HMGB1: variants seen among roughly 807,000 people sequenced by gnomAD.
HMGB1 encodes high mobility group box 1.
For missense variants in HMGB1, 79 were observed against 253.5 expected (o/e 0.31, Z 4.67); for synonymous variants, 81 against 84.0 (o/e 0.96, Z 0.19).
chr13:30,563,891 T>C (rs1286686669), intron 1 of HMGB1, among the ~76,000 whole-genome samples: 1 of 152,200 alleles, frequency 6.6e-6, no homozygotes. Flanking sequence ...GTTTAAGCTT[T>C]ATTAGCTGGG....
chr13:30,499,483 G>A (rs949358037), intron 1 of HMGB1, among the ~76,000 whole-genome samples: 1 of 151,984 alleles, frequency 6.6e-6, no homozygotes, highest in African/African-American at 2.4e-5. Context: ...TGTCCTTCCC[G>A]TTTCTCTTTT....
chr13:30,566,652 A>G (rs981536598), intron 1 of HMGB1, among the ~76,000 whole-genome samples: 39 of 152,330 alleles, frequency 2.6e-4, no homozygotes, highest in African/African-American at 9.4e-4. Context: ...ATTTATACCC[A>G]CAAATTTTTC....
At chr13:30,520,278 G>A (rs1340646255) in intron 1 of HMGB1, among the ~76,000 whole-genome samples, 1 of 151,548 alleles carries the variant, frequency 6.6e-6, no homozygotes, top group Admixed American at 6.6e-5. Flanking sequence ...GCCAAGATCG[G>A]GCCACTACAC....
At chr13:30,522,126 T>TTG (rs55733338) in intron 1 of HMGB1, among the ~76,000 whole-genome samples, 85 of 148,378 alleles carry the variant, frequency 5.7e-4, no homozygotes, top group Non-Finnish European at 8.2e-4. Flanking sequence ...TTTTTTTTTT[T>TTG]GGGCAAGACA....
At chr13:30,463,038 C>T (rs142816732) in intron 3 of HMGB1, among the ~76,000 whole-genome samples, 169 bp downstream of exon 3, 3 of 152,144 alleles carry the variant, frequency 2.0e-5, no homozygotes, top group Non-Finnish European at 4.4e-5. Context: ...GGGAACACTC[C>T]CACCCAACAG....
Position 30,459,927 on chromosome 13 carries a change from A to T in HMGB1, c.*1430T>A, listed in dbSNP as rs1429214623. 1 of 152,586 alleles carries T rather than the reference A, an allele frequency of 6.6e-6. No homozygotes were observed. The highest frequency in any genetic ancestry group is 1.9e-4 in the East Asian group (1 of 5,204). The allele number at this position is 152,586 out of a possible 1,614,324, so 9.5% of individuals were successfully genotyped here. On this transcript the variant is annotated 3_prime_UTR_variant, in exon 5 of 5. Coordinates refer to ENST00000341423, the MANE Select transcript of HMGB1 (RefSeq NM_002128.7). The stretch of plus-strand genomic sequence containing the variant: ...TCAGTATTCCTCCTGAAATTACATA[A>T]ACAAATGCAAATGGAAAGAATCCAA...
chr13:30,580,993 T>A (rs1022764489), intron 1 of HMGB1, among the ~76,000 whole-genome samples: 1 of 152,028 alleles, frequency 6.6e-6, no homozygotes, highest in African/African-American at 2.4e-5. Flanking sequence ...TAGGCTGGAG[T>A]GCATCATAGC....
chr13:30,461,435 A>C lies in HMGB1; in HGVS notation c.570T>G (p.Asp190Glu), dbSNP rs200160625. The C allele has an allele frequency of 4.4e-6, 7 of 1,593,930 alleles. No homozygotes were observed. In the East Asian group the frequency reaches 6.7e-5, roughly 15 times the overall value. ...CCTCCTCATCCTCTTCATCTTCCTCATCTTCCTCCTCTTCCTTCTTTTTCT... is the reference window on the plus strand; with the variant it reads ...CCTCCTCATCCTCTTCATCTTCCTCCTCTTCCTCCTCTTCCTTCTTTTTCT... The part of the protein sequence containing the change: ...KSKKKKEEEE[D>E]EEDEEDEEEE... Residue 190 changes from aspartate (D) to glutamate (E), a missense_variant, in exon 5 of 5, where the codon GAT becomes GAG. Physicochemically the swap from Asp to Glu is conservative, Grantham distance 45 (BLOSUM62 2). Transcript: ENST00000341423.
chr13:30,597,088 T>A (rs1478672244), intron 1 of HMGB1, among the ~76,000 whole-genome samples: 1 of 152,190 alleles, frequency 6.6e-6, no homozygotes, highest in African/African-American at 2.4e-5. Context: ...ATGGGTTAGA[T>A]TATGCCCCTT....
At chr13:30,475,951 T>G (rs1207445281) in intron 1 of HMGB1, among the ~76,000 whole-genome samples, 1 of 152,172 alleles carries the variant, frequency 6.6e-6, no homozygotes, top group Non-Finnish European at 1.5e-5. Context: ...CCCTGGCCCC[T>G]GCAGACATTT....
At position 30,499,549 on chromosome 13, in the gene HMGB1, A is replaced by G. The variant is rs2137450646; in HGVS notation, c.-14-35855T>C. Among the ~76,000 whole-genome samples the G allele has an allele frequency of 1.3e-5, 2 of 152,272 alleles. 1 individual carries two copies. Among genetic ancestry groups the G allele is most frequent in the Middle Eastern group, 6.8e-3 (2 of 294 alleles). ...TCAGGCAGCCTCACAGTCTGACCCA[A>G]CACTGATCTTTCCATTGTCATGAAC... On this transcript the variant is annotated intron_variant, in intron 1 of 4. Coordinates refer to the HMGB1 transcript ENST00000405805.
At chr13:30,553,118 TA>T (rs1248310145) in intron 1 of HMGB1, among the ~76,000 whole-genome samples, 1 of 152,212 alleles carries the variant, frequency 6.6e-6, no homozygotes, top group Non-Finnish European at 1.5e-5. Context: ...AGATGCATGT[TA>T]AAAGGTTCCT....
intron 1 of HMGB1, among the ~76,000 whole-genome samples, chr13:30,585,940 C>T (rs1372148133): frequency 6.6e-6 from 1 of 152,194 alleles, no homozygotes. Flanking sequence ...TCTTGATCCA[C>T]TTATCTTTAG....
chr13:30,501,485 A>T (rs1472508096), intron 1 of HMGB1, among the ~76,000 whole-genome samples: 1 of 151,906 alleles, frequency 6.6e-6, no homozygotes, highest in Non-Finnish European at 1.5e-5. Context: ...ATCCTTAAGG[A>T]TCTCCAAAAG....
chr13:30,569,287 A>G (rs1870325609), intron 1 of HMGB1, among the ~76,000 whole-genome samples: 1 of 152,224 alleles, frequency 6.6e-6, no homozygotes, highest in African/African-American at 2.4e-5. Flanking sequence ...GGACAGGCCC[A>G]TTTCAAACTT....
chr13:30,595,425 T>C (rs1010406782), intron 1 of HMGB1, among the ~76,000 whole-genome samples: 84 of 152,194 alleles, frequency 5.5e-4, no homozygotes, highest in African/African-American at 1.9e-3. Flanking sequence ...AAAAATGAGT[T>C]CAGACACAAG....
chr13:30,603,343 T>A (rs1342820271), intron 1 of HMGB1, among the ~76,000 whole-genome samples: 1 of 152,198 alleles, frequency 6.6e-6, no homozygotes, highest in Non-Finnish European at 1.5e-5. Context: ...CTTGGAAGTA[T>A]CAAGGAGGCA....
chr13:30,514,017 G>T (rs887070817), intron 1 of HMGB1, among the ~76,000 whole-genome samples: 1 of 151,822 alleles, frequency 6.6e-6, no homozygotes, highest in Admixed American at 6.5e-5. Flanking sequence ...CAAAGTGCTG[G>T]GACTACAGGT....
chr13:30,465,498 TAAAA>T (rs893264602), intron 1 of HMGB1, among the ~76,000 whole-genome samples: 7 of 147,984 alleles, frequency 4.7e-5, no homozygotes, highest in African/African-American at 7.4e-5. Context: ...TTTTTTTAAT[TAAAA>T]AAAAAATTTT....
Sources: allele counts gnomAD v4.1 joint callset (sites outside exome capture counted in the v4.1 genomes callset), GRCh38; gene constraint gnomAD v4.1.1; transcripts MANE v1.5; gene names NCBI Gene and HGNC (gene_info 2026-07-23, HGNC 2026-07-21).